RNF121: variants seen among roughly 807,000 people sequenced by gnomAD.
RNF121 encodes the protein ring finger protein 121.
A neutral mutation model predicts 46.5 loss-of-function variants in RNF121; 21 were observed. That is an observed-to-expected ratio of 0.45 (90% CI 0.32 to 0.65). The LOEUF (loss-of-function observed/expected upper bound fraction) is 0.65, where lower values mean the gene tolerates loss of function less well. Among genes scored for constraint, RNF121 ranks in the 30% least tolerant of loss-of-function variants. RNF121 has a pLI of 0.04. For missense variants in RNF121, 346 were observed against 416.0 expected (o/e 0.83, Z 1.46); for synonymous variants, 139 against 144.7 (o/e 0.96, Z 0.28).
chr11:71,944,792 A>G (rs1953674112), intron 1 of RNF121, among the ~76,000 whole-genome samples: 1 of 152,170 alleles, frequency 6.6e-6, no homozygotes, highest in African/African-American at 2.4e-5. Flanking sequence ...GAAGGAAGGA[A>G]AAGATAGTAG....
chr11:71,955,185 T>C (rs1953964517), intron 1 of RNF121, among the ~76,000 whole-genome samples: 1 of 152,186 alleles, frequency 6.6e-6, no homozygotes, highest in Non-Finnish European at 1.5e-5. Context: ...AGTGCTTCCT[T>C]AAATTTTGAG....
intron 3 of RNF121, among the ~76,000 whole-genome samples, chr11:71,969,761 CTT>C (rs1383908120): frequency 3.3e-5 from 5 of 152,092 alleles, no homozygotes; most frequent in African/African-American, 1.2e-4. Flanking sequence ...AGATGAGGGT[CTT>C]CCTGTGTTGA....
At chr11:71,979,136 G>C (rs1954593912) in intron 3 of RNF121, among the ~76,000 whole-genome samples, 1 of 152,222 alleles carries the variant, frequency 6.6e-6, no homozygotes, top group South Asian at 2.1e-4. Context: ...GGTTGAATGA[G>C]TGAGTGGGTG....
At chr11:71,946,541 C>A (rs1248943382) in intron 1 of RNF121, among the ~76,000 whole-genome samples, 1 of 151,704 alleles carries the variant, frequency 6.6e-6, no homozygotes, top group African/African-American at 2.4e-5. Flanking sequence ...TGAATGAATT[C>A]ATTTGTATGA....
chr11:71,947,311 G>C (rs968042870), intron 1 of RNF121, among the ~76,000 whole-genome samples: 3 of 151,918 alleles, frequency 2.0e-5, no homozygotes, highest in Non-Finnish European at 2.9e-5. Flanking sequence ...AGTTTGTAGA[G>C]ACCTCATCTT....
chr11:71,938,107 T>C (rs1953464439), intron 1 of RNF121, among the ~76,000 whole-genome samples: 1 of 152,112 alleles, frequency 6.6e-6, no homozygotes, highest in Non-Finnish European at 1.5e-5. Context: ...CAGAGTGTTA[T>C]CAATAACTCA....
chr11:71,952,349 A>G (rs1222150029), intron 1 of RNF121, among the ~76,000 whole-genome samples: 1 of 152,230 alleles, frequency 6.6e-6, no homozygotes, highest in Non-Finnish European at 1.5e-5. Context: ...TAACTGGCAC[A>G]TGATTTTATT....
At chr11:71,991,954 CAA>C (rs113137594) in intron 6 of RNF121, among the ~76,000 whole-genome samples, 1 of 123,858 alleles carries the variant, frequency 8.1e-6, no homozygotes. Context: ...AAAAATGAGA[CAA>C]AAAAAAAAAA....
chr11:71,992,801 C>G (rs1954888872), intron 6 of RNF121, among the ~76,000 whole-genome samples: 3 of 148,114 alleles, frequency 2.0e-5, no homozygotes, highest in South Asian at 4.4e-4. Flanking sequence ...GGTAAATTAA[C>G]AGCCAATCTG....
intron 4 of RNF121, 133 bp downstream of exon 4, chr11:71,983,048 T>A: frequency 1.4e-6 from 1 of 730,574 alleles, no homozygotes. Flanking sequence ...GGGGCCTCTC[T>A]AAAACAAGCT....
At chr11:71,987,161 G>A in intron 5 of RNF121, 50 bp downstream of exon 5, 3 of 1,158,412 alleles carry the variant, frequency 2.6e-6, no homozygotes, top group Non-Finnish European at 3.9e-6. Context: ...AGGAGTGACT[G>A]TTGAGATGTA....
chr11:71,982,894 C>T lies in RNF121; in HGVS notation c.377C>T (p.Pro126Leu). 1 of 1,611,702 alleles carries T rather than the reference C, an allele frequency of 6.2e-7. No individual in the cohort carries two copies. The highest frequency in any genetic ancestry group is 8.5e-7 in the Non-Finnish European group (1 of 1,178,980). The change falls in exon 4 of 9, where the codon CCT becomes CTT. Residue 126 changes from proline to leucine, a missense_variant. This residue lies in a region of RNF121 where 286 missense variants were observed against 383.8 expected (regional missense o/e 0.75). Transcript: ENST00000361756. ...AFVTFRATRKPLVQTTPRLVY... is the reference protein window; with the variant it reads ...AFVTFRATRKLLVQTTPRLVY... ...GTTACCTTCCGAGCCACCCGAAAAC[C>T]TCTAGTACAGACAACCCCAAGGTGA...
rs994127249 is a variant in RNF121, at chr11:71,984,594, A to T, written c.398+1679A>T. On this transcript the variant is annotated intron_variant, in intron 4 of 8. Coordinates refer to ENST00000361756, the MANE Select transcript of RNF121 (RefSeq NM_018320.5). ...CGTGCCTGGCCAGTAACTACTAGCT[A>T]TTTATTTATTTATTTAGAGACAGGG... 2.0e-4 allele frequency among the ~76,000 whole-genome samples: 29 copies of T among 143,744 alleles called. 1 individual carries two copies. Among genetic ancestry groups the T allele is most frequent in the Non-Finnish European group, 3.0e-5 (2 of 65,962 alleles). 94.3% of individuals were successfully genotyped at this position (143,744 alleles called of 152,430 possible). A position where few individuals can be genotyped will look rare whatever the true frequency, so the allele number is the denominator to read the frequency against.
chr11:71,966,888 G>T, intron 3 of RNF121, among the ~76,000 whole-genome samples: 1 of 145,886 alleles, frequency 6.9e-6, no homozygotes, highest in Admixed American at 6.8e-5. Context: ...TTTTTGAGAC[G>T]GAATCTCACT....
intron 4 of RNF121, 121 bp downstream of exon 4, chr11:71,983,036 A>G (rs911613857): frequency 3.4e-5 from 32 of 951,002 alleles, no homozygotes; most frequent in Middle Eastern, 6.1e-4. Context: ...ATTATTTGGC[A>G]TGGGGCCTCT....
At chr11:71,988,878 ATTCT>A (rs1954816656) in intron 5 of RNF121, among the ~76,000 whole-genome samples, 1 of 152,104 alleles carries the variant, frequency 6.6e-6, no homozygotes, top group Non-Finnish European at 1.5e-5. Flanking sequence ...CACTCATGAA[ATTCT>A]TTCTTCTAGG....
intron 1 of RNF121, among the ~76,000 whole-genome samples, chr11:71,943,623 C>T (rs907396630): frequency 1.3e-5 from 2 of 152,144 alleles, no homozygotes. Context: ...TCAGGTTGCT[C>T]ATGGTGTAGT....
chr11:71,930,753 C>T (rs1953260237), intron 1 of RNF121, among the ~76,000 whole-genome samples: 2 of 152,308 alleles, frequency 1.3e-5, no homozygotes, highest in South Asian at 2.1e-4. Context: ...GAGACAATTA[C>T]GTATATCTCA....
At position 71,968,736 on chromosome 11, in the gene RNF121, T is replaced by TA. The variant is rs1347936040; in HGVS notation, c.243+7846dup. 1.3e-5 allele frequency among the ~76,000 whole-genome samples: 2 copies of TA among 152,176 alleles called. 1 individual carries two copies. Among genetic ancestry groups the TA allele is most frequent in the African/African-American group, 4.8e-5 (2 of 41,440 alleles). Reference sequence around the variant, plus strand: ...GTCCCACGCTGGGGCTGTGCTCAGTTATATTGTTTCCTTTGTGGAGAAACA... The same window carrying TA: ...GTCCCACGCTGGGGCTGTGCTCAGTTAATATTGTTTCCTTTGTGGAGAAACA... On this transcript the variant is annotated intron_variant, in intron 3 of 8. Coordinates refer to ENST00000361756, the MANE Select transcript of RNF121 (RefSeq NM_018320.5).
Sources: allele counts gnomAD v4.1 joint callset (sites outside exome capture counted in the v4.1 genomes callset), GRCh38; gene constraint gnomAD v4.1.1; regional missense constraint gnomAD v4.1.1; transcripts MANE v1.5; gene names NCBI Gene and HGNC (gene_info 2026-07-23, HGNC 2026-07-21).